Variants in JPH3 observed in about 807,000 individuals in gnomAD.
JPH3 encodes the protein junctophilin-3.
In JPH3, 11 loss-of-function variants were observed where a neutral mutation model predicts 59.6. The ratio of observed to expected loss-of-function variants is 0.18; its 90% CI spans 0.12 to 0.31. The LOEUF (loss-of-function observed/expected upper bound fraction) is 0.31. JPH3 is among the 10% of genes least tolerant of loss of function. JPH3 has a pLI of 1.00. For missense variants in JPH3, 1,202 were observed against 1,105.7 expected (o/e 1.09, Z -1.24); for synonymous variants, 673 against 483.6 (o/e 1.39, Z -5.14).
chr16:87,629,354 A>G (rs1194158158), intron 1 of JPH3, among the ~76,000 whole-genome samples: 1 of 152,126 alleles, frequency 6.6e-6, no homozygotes, highest in Non-Finnish European at 1.5e-5. Context: ...TATTTTAGTA[A>G]AGATAACGTA....
chr16:87,636,424 C>G (rs112153499), intron 1 of JPH3, among the ~76,000 whole-genome samples: 5,879 of 152,304 alleles, frequency 0.039, 137 homozygotes, highest in Non-Finnish European at 0.057. Flanking sequence ...GGCGTGTGCG[C>G]TCAATAGCTC....
At chr16:87,677,676 G>A (rs747394425) in intron 2 of JPH3, among the ~76,000 whole-genome samples, 13 of 152,200 alleles carry the variant, frequency 8.5e-5, no homozygotes, top group Non-Finnish European at 1.8e-4. Context: ...TGTCCAGGGA[G>A]TCTGGAAAGC....
intron 2 of JPH3, among the ~76,000 whole-genome samples, chr16:87,682,104 G>A (rs2033310783): frequency 6.6e-6 from 1 of 152,190 alleles, no homozygotes; most frequent in Non-Finnish European, 1.5e-5. Flanking sequence ...CCAGCGTTTG[G>A]AGCACTCTCT....
chr16:87,657,958 C>G (rs552233107), intron 2 of JPH3, among the ~76,000 whole-genome samples: 4 of 152,196 alleles, frequency 2.6e-5, no homozygotes, highest in African/African-American at 9.7e-5. Flanking sequence ...CTCTACCAAC[C>G]TGGCCTCACA....
At chr16:87,629,420 G>T (rs1030134204) in intron 1 of JPH3, among the ~76,000 whole-genome samples, 2 of 144,448 alleles carry the variant, frequency 1.4e-5, no homozygotes, top group Non-Finnish European at 3.1e-5. Flanking sequence ...CCATCTTTGT[G>T]GGTTTTTTTT....
chr16:87,639,606 T>TCCTGTCCTCCCG, intron 1 of JPH3, among the ~76,000 whole-genome samples: 1 of 149,928 alleles, frequency 6.7e-6, no homozygotes, highest in East Asian at 1.9e-4. Flanking sequence ...CTGTCCTCCC[T>TCCTGTCCTCCCG]CCTGTCCTCC....
chr16:87,648,571 G>C (rs1050037674), intron 2 of JPH3, among the ~76,000 whole-genome samples: 2 of 152,304 alleles, frequency 1.3e-5, no homozygotes, highest in Non-Finnish European at 2.9e-5. Context: ...TGCAGGGAAG[G>C]GAAGTGGGTT....
At chr16:87,695,246 C>G (rs1462735801) in intron 4 of JPH3, 1 of 452,104 alleles carries the variant, frequency 2.2e-6, no homozygotes. Context: ...GCTACTCAGT[C>G]TTAACAGACC....
intron 1 of JPH3, among the ~76,000 whole-genome samples, chr16:87,617,629 G>A (rs1213767779): frequency 7.0e-6 from 1 of 143,084 alleles, no homozygotes; most frequent in African/African-American, 2.5e-5. Context: ...GGTCTGGTGG[G>A]GGCTGTGGAG....
At chr16:87,639,659 T>C (rs1304674380) in intron 1 of JPH3, among the ~76,000 whole-genome samples, 2 of 82,526 alleles carry the variant, frequency 2.4e-5, no homozygotes, top group Non-Finnish European at 6.3e-5. Flanking sequence ...CTCCCGCCTG[T>C]CCTCCCTCCT....
intron 3 of JPH3, among the ~76,000 whole-genome samples, chr16:87,687,505 C>A (rs2033446717): frequency 6.6e-6 from 1 of 152,172 alleles, no homozygotes; most frequent in Non-Finnish European, 1.5e-5. Context: ...GAAGGCAGGA[C>A]CATGAAGGAG....
At chr16:87,667,893 C>G (rs1291194354) in intron 2 of JPH3, among the ~76,000 whole-genome samples, 1 of 152,232 alleles carries the variant, frequency 6.6e-6, no homozygotes, top group Non-Finnish European at 1.5e-5. Flanking sequence ...CAGGCCATGG[C>G]TGCCATTGGG....
At chr16:87,630,725 G>C (rs1024393102) in intron 1 of JPH3, among the ~76,000 whole-genome samples, 2 of 152,194 alleles carry the variant, frequency 1.3e-5, no homozygotes, top group Non-Finnish European at 2.9e-5. Context: ...TGTCTTCAGA[G>C]ACTGACCACC....
intron 1 of JPH3, chr16:87,604,481 T>C: frequency 2.2e-6 from 3 of 1,344,778 alleles, no homozygotes; most frequent in Non-Finnish European, 2.9e-6. Flanking sequence ...CCCCGACCAG[T>C]CCACTCCCAT....
chr16:87,665,366 C>G (rs1034373210), intron 2 of JPH3, among the ~76,000 whole-genome samples: 6 of 152,188 alleles, frequency 3.9e-5, no homozygotes, highest in East Asian at 1.9e-4. Flanking sequence ...CCAGGTCACC[C>G]TGGAGAACCG....
intron 2 of JPH3, among the ~76,000 whole-genome samples, chr16:87,673,102 C>A (rs2033058487): frequency 6.6e-6 from 1 of 151,540 alleles, no homozygotes; most frequent in African/African-American, 2.4e-5. Flanking sequence ...GCCGAGATCG[C>A]ACCGTTGCAC....
At chr16:87,630,670 A>G (rs1252463286) in intron 1 of JPH3, among the ~76,000 whole-genome samples, 1 of 152,176 alleles carries the variant, frequency 6.6e-6, no homozygotes, top group Non-Finnish European at 1.5e-5. Flanking sequence ...TTAAGGTGAC[A>G]TTTGGTGCTA....
intron 1 of JPH3, among the ~76,000 whole-genome samples, chr16:87,633,355 C>G (rs2150836698): frequency 7.2e-6 from 1 of 138,788 alleles, no homozygotes; most frequent in East Asian, 2.2e-4. Flanking sequence ...AGGTGACATT[C>G]TAAGGTGGTA....
At chr16:87,676,782 T>C (rs1446530765) in intron 2 of JPH3, among the ~76,000 whole-genome samples, 1 of 150,686 alleles carries the variant, frequency 6.6e-6, no homozygotes, top group Non-Finnish European at 1.5e-5. Context: ...ACACCTGTAA[T>C]CTCAGCACTT....
Sources: allele counts gnomAD v4.1 joint callset (sites outside exome capture counted in the v4.1 genomes callset), GRCh38; gene constraint gnomAD v4.1.1; transcripts MANE v1.5; gene names NCBI Gene and HGNC (gene_info 2026-07-23, HGNC 2026-07-21).